Variants in PMVK observed in about 807,000 individuals in gnomAD.
The protein encoded by PMVK is phosphomevalonate kinase.
Under a neutral mutation model 19.0 loss-of-function variants are expected in PMVK, and 10 were observed. The ratio of observed to expected loss-of-function variants is 0.53; its 90% confidence interval spans 0.32 to 0.89. The LOEUF (loss-of-function observed/expected upper bound fraction) is 0.89. PMVK is among the 40% of genes least tolerant of loss of function. The probability of loss-of-function intolerance (pLI) is 0.03; values close to 1 mark genes in which losing one functional copy is unlikely to be tolerated. For missense variants in PMVK, 222 were observed against 251.1 expected, an observed-to-expected ratio of 0.88 and a Z score of 0.78; for synonymous variants, 108 against 101.6, an observed-to-expected ratio of 1.06 and a Z score of -0.38.
At chr1:154,926,963 G>A (rs1225153238) in intron 3 of PMVK, among the ~76,000 whole-genome samples, 1 of 152,092 alleles carries the variant, frequency 6.6e-6, no homozygotes, top group Non-Finnish European at 1.5e-5. Context: ...CACCTTCCCT[G>A]TCTTAGAAAA....
rs188702384 is a variant in PMVK, at chr1:154,933,274, A to G, written c.96-859T>C. On this transcript the variant is annotated intron_variant, in intron 1 of 4. Transcript: ENST00000368467. Reference sequence around the variant, plus strand: ...CACGGTGAAACCCTGTCTCTACTAAAAGCATAAAATTAGCCGGACATGATG... The same window carrying G: ...CACGGTGAAACCCTGTCTCTACTAAGAGCATAAAATTAGCCGGACATGATG... 5.3e-3 allele frequency among the ~76,000 whole-genome samples: 799 copies of G among 151,784 alleles called. 4 individuals are homozygous for G. Among genetic ancestry groups the G allele is most frequent in the African/African-American group, 0.018 (756 of 41,406 alleles).
intron 3 of PMVK, among the ~76,000 whole-genome samples, chr1:154,928,317 G>T (rs1654232578): frequency 6.6e-6 from 1 of 152,248 alleles, no homozygotes; most frequent in Non-Finnish European, 1.5e-5. Context: ...GGCCAGTGTT[G>T]CTACAGCTTA....
upstream of PMVK, among the ~76,000 whole-genome samples, chr1:154,940,007 C>T (rs1441825419): frequency 6.6e-6 from 1 of 152,006 alleles, no homozygotes; most frequent in Non-Finnish European, 1.5e-5. Flanking sequence ...GAACTCCTGG[C>T]CTCAAGCCAA....
Position 154,925,089 on chromosome 1 carries a change from C to A in PMVK, c.*40G>T. The stretch of plus-strand genomic sequence containing the variant: ...CCATTTTGCAGAGTCAGCCCCACCC[C>A]CACCTCAGCAGGCCCCAGCTCACTC... On this transcript the variant is annotated 3_prime_UTR_variant, in exon 5 of 5. Coordinates refer to ENST00000368467, the MANE Select transcript of PMVK (RefSeq NM_006556.4). 1 of 1,465,802 alleles carries A rather than the reference C, an allele frequency of 6.8e-7. No homozygotes were observed. Among genetic ancestry groups the A allele is most frequent in the Non-Finnish European group, 9.4e-7 (1 of 1,065,442 alleles). The allele number at this position is 1,465,802 out of a possible 1,614,324, so 90.8% of individuals were successfully genotyped here.
upstream of PMVK, among the ~76,000 whole-genome samples, chr1:154,940,813 C>G (rs916135461): frequency 6.6e-6 from 1 of 152,326 alleles, no homozygotes; most frequent in African/African-American, 2.4e-5. Context: ...CATCTTTTCC[C>G]GCCAGCTCCT....
At chr1:154,935,194 A>G (rs1409887764) in intron 1 of PMVK, among the ~76,000 whole-genome samples, 1 of 151,654 alleles carries the variant, frequency 6.6e-6, no homozygotes, top group Non-Finnish European at 1.5e-5. Context: ...GCTTCGGACC[A>G]CTATTTGACG....
upstream of PMVK, among the ~76,000 whole-genome samples, chr1:154,938,808 T>TC (rs761180017): frequency 2.0e-5 from 3 of 152,188 alleles, no homozygotes; most frequent in Non-Finnish European, 2.9e-5. Context: ...CCTCTAAGGC[T>TC]CATGCCACCT....
intron 2 of PMVK, among the ~76,000 whole-genome samples, chr1:154,929,774 G>A (rs1215616291): frequency 6.6e-6 from 1 of 152,056 alleles, no homozygotes; most frequent in African/African-American, 2.4e-5. Flanking sequence ...CCACCCTGGG[G>A]AACTCCTTTC....
At chr1:154,929,787 C>A (rs1287476319) in intron 2 of PMVK, among the ~76,000 whole-genome samples, 1 of 152,108 alleles carries the variant, frequency 6.6e-6, no homozygotes, top group African/African-American at 2.4e-5. Context: ...CTCCTTTCTC[C>A]CCTTTCCAAG....
At chr1:154,933,546 TG>T (rs1267466868) in intron 1 of PMVK, among the ~76,000 whole-genome samples, 5 of 131,908 alleles carry the variant, frequency 3.8e-5, no homozygotes, top group Admixed American at 8.3e-5. Context: ...CAGGCTGGAG[TG>T]CAATGGCGCG....
At chr1:154,930,689 C>A (rs1002440567) in intron 2 of PMVK, among the ~76,000 whole-genome samples, 3 of 152,012 alleles carry the variant, frequency 2.0e-5, no homozygotes, top group African/African-American at 7.2e-5. Flanking sequence ...CTCCCATCCC[C>A]CCACCACCAC....
intron 2 of PMVK, among the ~76,000 whole-genome samples, chr1:154,929,393 C>T (rs192117803): frequency 6.6e-6 from 1 of 152,160 alleles, no homozygotes; most frequent in Admixed American, 6.5e-5. Flanking sequence ...TGGGGATAAT[C>T]CAGAAATTGT....
intron 1 of PMVK, 143 bp from the exon 2 acceptor site, chr1:154,932,558 A>C (rs1285819960): frequency 1.7e-6 from 1 of 578,946 alleles, no homozygotes; most frequent in Admixed American, 3.4e-5. Context: ...AATGTCCCTG[A>C]TCCTGTTTCC....
rs779447799 is a variant in PMVK, at chr1:154,936,608, G to A, written c.78C>T (p.Thr26=). 2 of 1,606,396 alleles carry A rather than the reference G, an allele frequency of 1.2e-6. No homozygotes were observed. The highest frequency in any genetic ancestry group is 3.4e-5 in the Admixed American group (2 of 59,054). The part of the protein sequence containing the change: ...GKRKSGKDFV[T]EALQSRLGAD... The stretch of plus-strand genomic sequence containing the variant: ...ACGGACACCTGCTCTGCAGCGCCTC[G>A]GTCACGAAGTCCTTCCCGGATTTCC... Residue 26 remains threonine, a synonymous_variant, in exon 1 of 5, where the codon ACC becomes ACT. Transcript: ENST00000368467.
At chr1:154,938,850 T>C (rs1341011515), upstream of PMVK, among the ~76,000 whole-genome samples, 1 of 152,228 alleles carries the variant, frequency 6.6e-6, no homozygotes, top group Non-Finnish European at 1.5e-5. Context: ...TCCTCAGTAC[T>C]GGCAGCCCAG....
At chr1:154,927,393 A>G (rs1187881519) in intron 3 of PMVK, among the ~76,000 whole-genome samples, 1 of 137,938 alleles carries the variant, frequency 7.2e-6, no homozygotes, top group Non-Finnish European at 1.5e-5. Context: ...GGGTAGAGTG[A>G]GCTGAGATCG....
At chr1:154,926,278 C>T in intron 4 of PMVK, 76 bp downstream of exon 4, 4 of 1,434,916 alleles carry the variant, frequency 2.8e-6, no homozygotes, top group Non-Finnish European at 1.9e-6. Flanking sequence ...ATTCACTTCC[C>T]CCAGGCCTGC....
In PMVK at chr1:154,925,036, T is replaced by G; in HGVS notation, c.*93A>C. On this transcript the variant is annotated 3_prime_UTR_variant, in exon 5 of 5. Coordinates refer to ENST00000368467, the MANE Select transcript of PMVK (RefSeq NM_006556.4). ...AATCTAGACCCCCCCTGTCTGTTCC[T>G]CACCTCGGCCAGGATCGGGGGACAC... is the stretch of plus-strand genomic sequence containing the variant. 1 of 908,986 alleles carries G rather than the reference T, an allele frequency of 1.1e-6. No individual in the cohort carries two copies. The highest frequency in any genetic ancestry group is 1.5e-6 in the Non-Finnish European group (1 of 661,002). 56.3% of individuals were successfully genotyped at this position (908,986 alleles called of 1,614,324 possible).
intron 2 of PMVK, among the ~76,000 whole-genome samples, chr1:154,929,645 C>T (rs1223771490): frequency 1.3e-5 from 2 of 152,082 alleles, no homozygotes; most frequent in Non-Finnish European, 2.9e-5. Flanking sequence ...TCCCCCTTAC[C>T]CCTTCCCATC....
Sources: allele counts gnomAD v4.1 joint callset (sites outside exome capture counted in the v4.1 genomes callset), GRCh38; gene constraint gnomAD v4.1.1; transcripts MANE v1.5; gene names NCBI Gene and HGNC (gene_info 2026-07-23, HGNC 2026-07-21).